CNOT10: variants seen among roughly 807,000 people sequenced by gnomAD.
CNOT10 encodes the protein CCR4-NOT transcription complex subunit 10.
In CNOT10, 30 loss-of-function variants were observed where a neutral mutation model predicts 94.6. That is an observed-to-expected ratio of 0.32 (90% confidence interval 0.24 to 0.43). The LOEUF is 0.43. Among genes scored for constraint, CNOT10 ranks in the 20% least tolerant of loss-of-function variants. CNOT10 has a pLI of 1.00. For synonymous variants in CNOT10, 289 were observed against 301.6 expected, an observed-to-expected ratio of 0.96 and a Z score of 0.43; for missense variants, 759 against 877.2, an observed-to-expected ratio of 0.87 and a Z score of 1.70.
intron 10 of CNOT10, 36 bp from the exon 11 acceptor site, chr3:32,733,387 C>G: frequency 1.4e-6 from 2 of 1,479,286 alleles, no homozygotes; most frequent in Non-Finnish European, 1.8e-6. Context: ...TCTTACAATT[C>G]CCTTAAATTT....
chr3:32,692,357 A>G (rs1427562281), intron 1 of CNOT10, among the ~76,000 whole-genome samples: 1 of 152,144 alleles, frequency 6.6e-6, no homozygotes, highest in Non-Finnish European at 1.5e-5. Flanking sequence ...TGGTCTCTCA[A>G]AGTGCTGGGA....
At chr3:32,732,296 A>G (rs189767570) in intron 10 of CNOT10, among the ~76,000 whole-genome samples, 44 of 152,144 alleles carry the variant, frequency 2.9e-4, no homozygotes, top group African/African-American at 1.0e-3. Context: ...AGGCTGAGGC[A>G]AGAGAATCAC....
At chr3:32,697,894 A>C (rs76301382) in intron 1 of CNOT10, among the ~76,000 whole-genome samples, 9,308 of 152,312 alleles carry the variant, frequency 0.061, 327 homozygotes, top group African/African-American at 0.09. Context: ...GTTAGGTTTT[A>C]TAAAATCTTT....
At chr3:32,733,618 A>G (rs1699051950) in intron 11 of CNOT10, 74 bp downstream of exon 11, 2 of 1,037,472 alleles carry the variant, frequency 1.9e-6, no homozygotes, top group Non-Finnish European at 2.7e-6. Flanking sequence ...ATATAAAAGT[A>G]TGATTAGGAT....
At chr3:32,772,380 G>T (rs188871514) in intron 18 of CNOT10, among the ~76,000 whole-genome samples, 130 of 152,128 alleles carry the variant, frequency 8.5e-4, no homozygotes, top group Admixed American at 2.4e-3. Context: ...TGAAGTCACA[G>T]CCAAGCATGG....
intron 4 of CNOT10, among the ~76,000 whole-genome samples, chr3:32,711,911 A>G (rs1295384032): frequency 6.6e-6 from 1 of 152,240 alleles, no homozygotes; most frequent in Non-Finnish European, 1.5e-5. Flanking sequence ...TTTGCACACC[A>G]GCTGTGTTAA....
intron 1 of CNOT10, 128 bp downstream of exon 1, chr3:32,685,610 AC>A (rs950162189): frequency 3.0e-6 from 3 of 993,230 alleles, no homozygotes; most frequent in Non-Finnish European, 4.5e-6. Flanking sequence ...GCATTTCTTT[AC>A]CCCATCCTCT....
At chr3:32,732,517 C>A (rs1699005128) in intron 10 of CNOT10, among the ~76,000 whole-genome samples, 1 of 151,518 alleles carries the variant, frequency 6.6e-6, no homozygotes, top group South Asian at 2.1e-4. Flanking sequence ...GCCCAGGAGG[C>A]CGAAGTTGCA....
chr3:32,689,688 C>G (rs554128545), intron 1 of CNOT10, among the ~76,000 whole-genome samples: 1 of 152,138 alleles, frequency 6.6e-6, no homozygotes, highest in Non-Finnish European at 1.5e-5. Flanking sequence ...TAATTTAAGG[C>G]TGGGCATAGA....
chr3:32,694,014 AT>A (rs1342699570), intron 1 of CNOT10, among the ~76,000 whole-genome samples: 1 of 151,070 alleles, frequency 6.6e-6, no homozygotes, highest in Non-Finnish European at 1.5e-5. Context: ...TTCTCAGGAA[AT>A]TTTTTTTTCT....
intron 4 of CNOT10, among the ~76,000 whole-genome samples, chr3:32,710,694 C>G (rs773717154): frequency 1.3e-5 from 2 of 152,002 alleles, no homozygotes; most frequent in Non-Finnish European, 2.9e-5. Flanking sequence ...CAGTGTCAAA[C>G]TTGGAATCAT....
intron 13 of CNOT10, among the ~76,000 whole-genome samples, chr3:32,739,349 CTTTAT>C (rs1462627513): frequency 6.6e-5 from 10 of 152,086 alleles, no homozygotes; most frequent in Non-Finnish European, 1.0e-4. Flanking sequence ...CGTTTCTGCT[CTTTAT>C]TTTATTCTTC....
At chr3:32,748,203 TAAGAC>T (rs1178092470) in intron 13 of CNOT10, among the ~76,000 whole-genome samples, 4 of 152,230 alleles carry the variant, frequency 2.6e-5, no homozygotes, top group African/African-American at 9.6e-5. Context: ...TCTAAGGTTT[TAAGAC>T]AAGTGTGTTC....
intron 13 of CNOT10, among the ~76,000 whole-genome samples, chr3:32,747,268 A>G (rs1009350478): frequency 3.9e-5 from 6 of 151,998 alleles, no homozygotes; most frequent in African/African-American, 1.4e-4. Context: ...ATGCAAAAAA[A>G]TTAAGCGGGT....
At chr3:32,746,203 G>A (rs904950612) in intron 13 of CNOT10, among the ~76,000 whole-genome samples, 2 of 152,112 alleles carry the variant, frequency 1.3e-5, no homozygotes, top group Non-Finnish European at 2.9e-5. Flanking sequence ...AAATATAAAC[G>A]CATCAATTTA....
intron 10 of CNOT10, among the ~76,000 whole-genome samples, chr3:32,728,457 AC>A (rs1698785341): frequency 6.6e-6 from 1 of 151,540 alleles, no homozygotes; most frequent in Non-Finnish European, 1.5e-5. Flanking sequence ...CTCCATCTCT[AC>A]AAAAAATTAC....
chr3:32,724,544 C>G (rs1698578772), intron 8 of CNOT10, among the ~76,000 whole-genome samples: 1 of 152,020 alleles, frequency 6.6e-6, no homozygotes, highest in South Asian at 2.1e-4. Context: ...TCCCGAGTAG[C>G]TGGGACTACA....
intron 13 of CNOT10, among the ~76,000 whole-genome samples, chr3:32,738,695 G>T (rs111956008): frequency 2.0e-5 from 3 of 151,428 alleles, no homozygotes; most frequent in African/African-American, 7.3e-5. Flanking sequence ...ATCTCCTGAC[G>T]TCGTGATCCA....
chr3:32,730,804 A>G (rs949849445), intron 10 of CNOT10: 1 of 152,218 alleles, frequency 6.6e-6, no homozygotes, highest in Non-Finnish European at 1.5e-5. Flanking sequence ...GGCAGAGGCA[A>G]GGCTTATATT....
Sources: gnomAD v4.1 joint callset for allele counts (sites outside exome capture counted in the v4.1 genomes callset) on GRCh38, gnomAD v4.1.1 for gene constraint, MANE v1.5 for transcripts, NCBI Gene and HGNC (gene_info 2026-07-23, HGNC 2026-07-21) for gene names.